Variants in ANO1 observed in about 807,000 individuals in gnomAD.
ANO1 encodes anoctamin-1.
In ANO1, 59 loss-of-function variants were observed where a neutral mutation model predicts 124.0. The ratio of observed to expected loss-of-function variants is 0.48; its 90% confidence interval spans 0.39 to 0.59. The LOEUF (loss-of-function observed/expected upper bound fraction) is 0.59, where lower values mean the gene tolerates loss of function less well. Among genes scored for constraint, ANO1 ranks in the 20% least tolerant of loss-of-function variants. The pLI, the probability that ANO1 is intolerant of heterozygous loss-of-function variation, is 0.00. For synonymous variants in ANO1, 529 were observed against 532.0 expected (o/e 0.99, Z 0.08); for missense variants, 1,059 against 1,328.0 (o/e 0.80, Z 3.15).
chr11:70,078,818 G>A (rs1201699777), intron 1 of ANO1, 104 bp downstream of exon 1: 16 of 609,362 alleles, frequency 2.6e-5, no homozygotes, highest in Non-Finnish European at 3.6e-5. Context: ...CCAGGGCGGG[G>A]GCCGCACCCT....
intron 1 of ANO1, among the ~76,000 whole-genome samples, chr11:70,040,841 AGCT>A (rs1371735329): frequency 6.6e-6 from 1 of 152,254 alleles, no homozygotes; most frequent in African/African-American, 2.4e-5. Flanking sequence ...ATGAATGAAC[AGCT>A]GCACAGATTC....
chr11:70,017,867 C>T (rs1289060685), intron 1 of ANO1, among the ~76,000 whole-genome samples: 1 of 152,058 alleles, frequency 6.6e-6, no homozygotes, highest in Non-Finnish European at 1.5e-5. Context: ...AACCCATATG[C>T]CTATCCTCAG....
intron 2 of ANO1, among the ~76,000 whole-genome samples, chr11:70,095,212 A>AAGAG (rs5792509): frequency 1.6e-4 from 16 of 100,440 alleles, no homozygotes; most frequent in South Asian, 3.6e-4. Flanking sequence ...TCAAAAAAGA[A>AAGAG]AGAGAGAGAG....
chr11:70,088,586 T>C (rs1200295247), intron 2 of ANO1, among the ~76,000 whole-genome samples: 1 of 151,374 alleles, frequency 6.6e-6, no homozygotes, highest in African/African-American at 2.4e-5. Flanking sequence ...GGGGTAGAAA[T>C]TGCTTTTGAA....
At chr11:70,034,732 C>T (rs990146469) in intron 1 of ANO1, among the ~76,000 whole-genome samples, 1 of 152,088 alleles carries the variant, frequency 6.6e-6, no homozygotes, top group African/African-American at 2.4e-5. Context: ...AGGCACTCTT[C>T]CCAAACCCCC....
chr11:70,036,997 C>T (rs2135046670), intron 1 of ANO1, among the ~76,000 whole-genome samples: 1 of 152,342 alleles, frequency 6.6e-6, no homozygotes, highest in East Asian at 1.9e-4. Context: ...CAGGCAGCAG[C>T]TGTGCCTGAC....
At chr11:70,049,279 C>T (rs1024669476) in intron 1 of ANO1, among the ~76,000 whole-genome samples, 29 of 152,168 alleles carry the variant, frequency 1.9e-4, no homozygotes, top group African/African-American at 6.0e-4. Flanking sequence ...TATGGCCAGC[C>T]GCTCTGGCTT....
chr11:70,050,438 C>G (rs933757974), intron 1 of ANO1, among the ~76,000 whole-genome samples: 4 of 152,174 alleles, frequency 2.6e-5, no homozygotes, highest in Admixed American at 6.5e-5. Context: ...CCCCCTTCCT[C>G]GTTCCCCAGG....
At chr11:70,031,850 C>A (rs1235975945) in intron 1 of ANO1, among the ~76,000 whole-genome samples, 1 of 152,218 alleles carries the variant, frequency 6.6e-6, no homozygotes, top group Admixed American at 6.5e-5. Context: ...GCCAGCAAGC[C>A]TCCTCTGGCA....
At chr11:70,084,141 C>A (rs115815799) in intron 1 of ANO1, among the ~76,000 whole-genome samples, 2 of 152,118 alleles carry the variant, frequency 1.3e-5, no homozygotes, top group African/African-American at 4.8e-5. Context: ...AGCCCTCAGG[C>A]GCACCTGGGA....
intron 17 of ANO1, 40 bp from the exon 18 acceptor site, chr11:70,161,582 C>A: frequency 6.3e-7 from 1 of 1,599,024 alleles, no homozygotes; most frequent in Non-Finnish European, 8.6e-7. Flanking sequence ...TGGGGGCCAT[C>A]CCAGCCACAG....
At chr11:70,063,249 T>C (rs2135118413) in intron 1 of ANO1, among the ~76,000 whole-genome samples, 1 of 152,154 alleles carries the variant, frequency 6.6e-6, no homozygotes, top group East Asian at 1.9e-4. Flanking sequence ...CAATTGATGT[T>C]TGTTGAATAA....
intron 1 of ANO1, among the ~76,000 whole-genome samples, chr11:70,059,551 T>C (rs1857524033): frequency 6.6e-6 from 1 of 151,998 alleles, no homozygotes; most frequent in South Asian, 2.1e-4. Flanking sequence ...GGCATATGAG[T>C]AAAGTCAATC....
chr11:70,149,456 G>C, intron 11 of ANO1: 1 of 434,424 alleles, frequency 2.3e-6, no homozygotes, highest in South Asian at 2.2e-5. Flanking sequence ...TTCGAGACCA[G>C]CCTGGCCAAC....
intron 2 of ANO1, among the ~76,000 whole-genome samples, chr11:70,095,299 G>GGAAGGAAGGAAAGAAAGAAA (rs1555017361): frequency 2.0e-5 from 1 of 50,930 alleles, no homozygotes; most frequent in Admixed American, 1.9e-4. Context: ...AAGGAAGGAA[G>GGAAGGAAGGAAAGAAAGAAA]GAAAGAAAGA....
At chr11:70,004,500 G>A (rs1455473084) in intron 1 of ANO1, among the ~76,000 whole-genome samples, 7 of 152,166 alleles carry the variant, frequency 4.6e-5, no homozygotes, top group Admixed American at 4.6e-4. Flanking sequence ...GTGATGTGGT[G>A]GAGCCAGTGC....
chr11:70,048,900 G>C (rs782131356), intron 1 of ANO1, among the ~76,000 whole-genome samples: 2 of 152,144 alleles, frequency 1.3e-5, no homozygotes, highest in Non-Finnish European at 2.9e-5. Flanking sequence ...GTGTTTGCCA[G>C]TGGAAACAGG....
chr11:69,989,323 A>C (rs782733768), intron 1 of ANO1, among the ~76,000 whole-genome samples: 1 of 152,200 alleles, frequency 6.6e-6, no homozygotes, highest in African/African-American at 2.4e-5. Flanking sequence ...TTTCACCCAC[A>C]GAGCTATTGA....
chr11:69,975,953 T>C, the ANO1 span, among the ~76,000 whole-genome samples: 1 of 152,150 alleles, frequency 6.6e-6, no homozygotes, highest in African/African-American at 2.4e-5. Flanking sequence ...AGCCCTGCCC[T>C]TGGCCTTGCT....
Sources: gnomAD v4.1 joint callset for allele counts (sites outside exome capture counted in the v4.1 genomes callset) on GRCh38, gnomAD v4.1.1 for gene constraint, MANE v1.5 for transcripts, NCBI Gene and HGNC (gene_info 2026-07-23, HGNC 2026-07-21) for gene names.